The following SLC35F3 variants were observed in gnomAD, a reference collection of about 807,000 sequenced individuals.
SLC35F3 encodes solute carrier family 35 member F3.
Under a neutral mutation model 49.9 loss-of-function variants are expected in SLC35F3, and 25 were observed. That is an observed-to-expected ratio of 0.50 (90% CI 0.37 to 0.70). The LOEUF (loss-of-function observed/expected upper bound fraction) is 0.70. Among genes scored for constraint, SLC35F3 ranks in the 30% least tolerant of loss-of-function variants. SLC35F3 has a pLI of 0.00. For missense variants in SLC35F3, 525 were observed against 639.8 expected, an observed-to-expected ratio of 0.82 and a Z score of 1.94; for synonymous variants, 275 against 265.4, an observed-to-expected ratio of 1.04 and a Z score of -0.35.
At chr1:234,314,997 G>T (rs1330107750) in intron 4 of SLC35F3, among the ~76,000 whole-genome samples, 1 of 152,076 alleles carries the variant, frequency 6.6e-6, no homozygotes, top group African/African-American at 2.4e-5. Flanking sequence ...TTTTCTTGTG[G>T]GGAAAAATTC....
In SLC35F3 at chr1:233,924,372, G is replaced by T. The variant is rs189815909; in HGVS notation, c.283+18614G>T. Among the ~76,000 whole-genome samples the T allele has an allele frequency of 3.4e-4, 52 of 152,246 alleles. No homozygotes were observed. In the East Asian group the frequency reaches 8.5e-3, roughly 25 times the overall value. On this transcript the variant is annotated intron_variant, in intron 2 of 7. Transcript: ENST00000366618. Reference sequence around the variant, plus strand: ...TCAACTTCTTCCTGGTTTAGTCTTGGGACGGTGTATGTGTCCAGGAATTTA... The same window carrying T: ...TCAACTTCTTCCTGGTTTAGTCTTGTGACGGTGTATGTGTCCAGGAATTTA...
At chr1:234,127,884 T>C (rs1665673323) in intron 2 of SLC35F3, among the ~76,000 whole-genome samples, 1 of 152,194 alleles carries the variant, frequency 6.6e-6, no homozygotes, top group Non-Finnish European at 1.5e-5. Context: ...CAGACAGATA[T>C]ATATGAACAT....
rs1176708528 is a variant in SLC35F3 at position 234,261,148 on chromosome 1, C to G, written c.608+29407C>G. On this transcript the variant is annotated intron_variant, in intron 3 of 7. Transcript: ENST00000366618. ...CGAGAAAGTGTTACCAGAAAGGAGT[C>G]CTGATCCAGACCCCAAGAAAGGGTT... Among the ~76,000 whole-genome samples the G allele has an allele frequency of 2.0e-5, 3 of 152,126 alleles. No homozygotes were observed. The East Asian group carries it at 5.8e-4, about 29-fold the overall frequency.
chr1:233,993,599 A>G (rs12047434), intron 2 of SLC35F3, among the ~76,000 whole-genome samples: 4,988 of 152,282 alleles, frequency 0.033, 145 homozygotes, highest in East Asian at 0.16. Context: ...CCCTCATTTT[A>G]CAGCTGAGGA....
At chr1:233,943,856 A>G (rs1314562244) in intron 2 of SLC35F3, among the ~76,000 whole-genome samples, 1 of 152,256 alleles carries the variant, frequency 6.6e-6, no homozygotes, top group Non-Finnish European at 1.5e-5. Flanking sequence ...GGAAATAATC[A>G]GCTTTAATTT....
intron 2 of SLC35F3, among the ~76,000 whole-genome samples, chr1:233,992,689 A>G (rs4536094): frequency 0.28 from 41,897 of 151,902 alleles, 5,970 homozygotes; most frequent in East Asian, 0.49. Context: ...AGTTTTGGTG[A>G]GACAAACACA....
At chr1:234,131,827 T>C (rs1443371269) in intron 2 of SLC35F3, among the ~76,000 whole-genome samples, 1 of 152,222 alleles carries the variant, frequency 6.6e-6, no homozygotes, top group Non-Finnish European at 1.5e-5. Flanking sequence ...GCCAGGCGTG[T>C]ATTAGCCTAA....
In SLC35F3 at chr1:234,053,975, T is replaced by G. The variant is rs570280681; in HGVS notation, c.283+148217T>G. ...AAGAATGTTGAATATTGGCCCCCAC[T>G]CTCTTCTGGCTTGTAGAGTTTCTGC... On this transcript the variant is annotated intron_variant, in intron 2 of 7. Transcript: ENST00000366618. Among the ~76,000 whole-genome samples, 45 of 152,338 alleles carry G rather than the reference T, an allele frequency of 3.0e-4. 1 individual carries two copies. In the Middle Eastern group the frequency reaches 0.01, roughly 35 times the overall value.
intron 2 of SLC35F3, among the ~76,000 whole-genome samples, chr1:234,092,939 T>C (rs1665065345): frequency 6.6e-6 from 1 of 152,168 alleles, no homozygotes; most frequent in African/African-American, 2.4e-5. Flanking sequence ...ACATCTCTAC[T>C]CTCCAGTCGG....
chr1:233,962,276 T>C (rs917152092), intron 2 of SLC35F3, among the ~76,000 whole-genome samples: 1 of 152,246 alleles, frequency 6.6e-6, no homozygotes, highest in African/African-American at 2.4e-5. Context: ...TTATCTGTAT[T>C]CTTCAAGAAT....
intron 2 of SLC35F3, among the ~76,000 whole-genome samples, chr1:233,979,054 C>A (rs1333574728): frequency 1.4e-4 from 20 of 146,254 alleles, no homozygotes; most frequent in South Asian, 4.4e-4. Context: ...AAAAAAAAAA[C>A]AAAAAGCAAA....
rs533543305 is a variant in SLC35F3 at position 233,924,285 on chromosome 1, TG to T, written c.283+18529del. Among the ~76,000 whole-genome samples the T allele has an allele frequency of 8.3e-3, 1,270 of 152,330 alleles. 5 individuals are homozygous for T. The highest frequency in any genetic ancestry group is 0.013 in the Non-Finnish European group (865 of 68,024). On this transcript the variant is annotated intron_variant, in intron 2 of 7. Coordinates refer to ENST00000366618, the MANE Select transcript of SLC35F3 (RefSeq NM_173508.4). ...AATCCATCTGGTCCTACAGTTTTTT[TG>T]GTTGCTATGCTATTAATTATTGCCT... is the stretch of plus-strand genomic sequence containing the variant.
chr1:234,081,623 T>C (rs1664876315), intron 2 of SLC35F3, among the ~76,000 whole-genome samples: 1 of 152,188 alleles, frequency 6.6e-6, no homozygotes, highest in Non-Finnish European at 1.5e-5. Context: ...CACTGCCTTT[T>C]CTTGATGCCT....
chr1:234,124,953 C>G (rs1665625996), intron 2 of SLC35F3, among the ~76,000 whole-genome samples: 1 of 152,208 alleles, frequency 6.6e-6, no homozygotes, highest in African/African-American at 2.4e-5. Flanking sequence ...ACACACTTGT[C>G]CTTTCTCAGC....
intron 3 of SLC35F3, among the ~76,000 whole-genome samples, chr1:234,232,519 C>CAAAAAAAAAAAAAAAAAAAAAAAAAAA (rs536692686): frequency 5.5e-5 from 4 of 72,360 alleles, no homozygotes; most frequent in Admixed American, 1.9e-4. Flanking sequence ...CAGGCCTAGT[C>CAAAAAAAAAAAAAAAAAAAAAAAAAAA]AAAAAAAAAA....
intron 3 of SLC35F3, among the ~76,000 whole-genome samples, chr1:234,305,577 G>T (rs61824465): frequency 0.088 from 13,395 of 151,874 alleles, 780 homozygotes; most frequent in African/African-American, 0.16. Flanking sequence ...TAGAAATGGG[G>T]TTTCACCATG....
At chr1:234,137,085 A>G (rs998481014) in intron 2 of SLC35F3, among the ~76,000 whole-genome samples, 1 of 152,198 alleles carries the variant, frequency 6.6e-6, no homozygotes, top group Non-Finnish European at 1.5e-5. Context: ...CCATGAGTGA[A>G]CTGGACAAGG....
chr1:234,046,572 G>A lies in SLC35F3; in HGVS notation c.283+140814G>A, dbSNP rs1225378156. ...TTTTTATTTGCACTTTGTTTGTGAG[G>A]TCTTTTTTGTTTGTGCAAGTTAATA... On this transcript the variant is annotated intron_variant, in intron 2 of 7. Transcript: ENST00000366618. This position sits in a 1 kb window ranked among gnomAD's most constrained non-coding sequence, Gnocchi z 4.4. Among the ~76,000 whole-genome samples the A allele has an allele frequency of 6.6e-6, 1 of 151,966 alleles. No homozygotes were observed. Among genetic ancestry groups the A allele is most frequent in the East Asian group, 1.9e-4 (1 of 5,194 alleles).
chr1:234,290,633 G>C lies in SLC35F3; in HGVS notation c.609-18468G>C, dbSNP rs141173768. 4.3e-3 allele frequency among the ~76,000 whole-genome samples: 662 copies of C among 152,316 alleles called. 4 individuals are homozygous for C. The highest frequency in any genetic ancestry group is 7.1e-3 in the Admixed American group (109 of 15,302). On this transcript the variant is annotated intron_variant, in intron 3 of 7. Transcript: ENST00000366618. ...TACTCCATTTCCGTCCCCCACCCTGGATGGGCCCTGGAGGCCGCAGCCTCT... is the reference window on the plus strand; with the variant it reads ...TACTCCATTTCCGTCCCCCACCCTGCATGGGCCCTGGAGGCCGCAGCCTCT...
Sources: gnomAD v4.1 joint callset for allele counts (sites outside exome capture counted in the v4.1 genomes callset) on GRCh38, gnomAD v4.1.1 for gene constraint, Gnocchi (gnomAD v3.1) non-coding constraint, MANE v1.5 for transcripts, NCBI Gene and HGNC (gene_info 2026-07-23, HGNC 2026-07-21) for gene names.